Variants in CLPSL2 observed in about 807,000 individuals in gnomAD.
CLPSL2 encodes colipase like 2, also known as colipase-like protein 2.
CLPSL2 carries 4 observed loss-of-function variants against 7.9 expected under a neutral mutation model. The observed-to-expected ratio is 0.50, with a 90% CI of 0.25 to 1.15. CLPSL2 has a LOEUF of 1.15. Ranked by LOEUF, CLPSL2 falls within the 50% of genes most tolerant of loss-of-function variation. The pLI is 0.15. For synonymous variants in CLPSL2, 67 were observed against 53.1 expected, an observed-to-expected ratio of 1.26 and a Z score of -1.14; for missense variants, 132 against 136.6, an observed-to-expected ratio of 0.97 and a Z score of 0.17.
rs1182504265 is a variant in CLPSL2, at chr6:35,778,342, C to A, written c.207+761C>A. ...GGAAATGACCTTCCCCTTACTAGTC[C>A]CCATCTCCCTGCCACAGTGACATGA... On this transcript the variant is annotated intron_variant, in intron 2 of 2. Coordinates refer to ENST00000403376, the MANE Select transcript of CLPSL2 (RefSeq NM_207409.4). Among the ~76,000 whole-genome samples the A allele has an allele frequency of 3.3e-5, 5 of 152,218 alleles. No homozygotes were observed. In the East Asian group the frequency reaches 9.6e-4, roughly 29 times the overall value.
chr6:35,778,566 T>C (rs2151058105), intron 2 of CLPSL2, among the ~76,000 whole-genome samples: 1 of 152,362 alleles, frequency 6.6e-6, no homozygotes, highest in Non-Finnish European at 1.5e-5. Flanking sequence ...TATGTGGTCC[T>C]GGCAAGGAGA....
In CLPSL2 at chr6:35,779,516, A is replaced by G. The variant is rs1372273505; in HGVS notation, c.*66A>G. The G allele has an allele frequency of 6.4e-7, 1 of 1,550,982 alleles. No homozygotes were observed. Among genetic ancestry groups the G allele is most frequent in the Non-Finnish European group, 8.7e-7 (1 of 1,146,290 alleles). The stretch of plus-strand genomic sequence containing the variant: ...GCCCTGGTTGCCACCAACTTGCTCC[A>G]AATCCAGCTCCTGAGACATTAAAGT... On this transcript the variant is annotated 3_prime_UTR_variant, in exon 3 of 3. Transcript: ENST00000403376.
At chr6:35,777,093 C>T (rs1001672311) in intron 1 of CLPSL2, among the ~76,000 whole-genome samples, 2 of 152,092 alleles carry the variant, frequency 1.3e-5, no homozygotes, top group Non-Finnish European at 2.9e-5. Context: ...CGAGGGCTCT[C>T]CCCTTTTCTC....
intron 1 of CLPSL2, 135 bp from the exon 2 acceptor site, chr6:35,777,323 GC>G: frequency 1.1e-6 from 1 of 947,116 alleles, no homozygotes. Flanking sequence ...GGGGGAACCA[GC>G]CCCCCAAGGG....
chr6:35,777,973 C>T (rs868586749), intron 2 of CLPSL2: 10 of 708,410 alleles, frequency 1.4e-5, no homozygotes, highest in East Asian at 2.7e-5. Flanking sequence ...TTGTTTGTTT[C>T]GAGATGGAGT....
rs1303750229 is a variant in CLPSL2, at chr6:35,779,378, C to T, written c.231C>T (p.Ile77=). 2 of 1,579,776 alleles carry T rather than the reference C, an allele frequency of 1.3e-6. No individual in the cohort carries two copies. The highest frequency in any genetic ancestry group is 2.3e-5 in the South Asian group (2 of 86,234). Residue 77 remains isoleucine, a synonymous_variant, in exon 3 of 3, where the codon ATC becomes ATT. Transcript: ENST00000403376. ...AGACCAAGGGAGCTACCAACATCATCTGCCCTTGCCGGATGGGCTTGACGT... is the reference window on the plus strand; with the variant it reads ...AGACCAAGGGAGCTACCAACATCATTTGCCCTTGCCGGATGGGCTTGACGT... ...LPQTKGATNI[I]CPCRMGLTCI... is the part of the protein sequence containing the mutation.
chr6:35,778,108 G>A (rs897427012), intron 2 of CLPSL2, among the ~76,000 whole-genome samples: 16 of 152,042 alleles, frequency 1.1e-4, no homozygotes, highest in African/African-American at 3.4e-4. Flanking sequence ...GGGGTGCACC[G>A]CTATGCCTGG....
intron 1 of CLPSL2, 38 bp downstream of exon 1, chr6:35,776,740 G>A (rs1767843871): frequency 5.9e-6 from 8 of 1,353,148 alleles, no homozygotes; most frequent in Non-Finnish European, 7.6e-6. Context: ...CGCGACCGCA[G>A]GAGAGGGTGG....
At chr6:35,778,793 T>G (rs1217868210) in intron 2 of CLPSL2, among the ~76,000 whole-genome samples, 4 of 152,156 alleles carry the variant, frequency 2.6e-5, no homozygotes, top group Non-Finnish European at 1.5e-5. Context: ...TAGAGGGTTT[T>G]TATTTTTTTT....
chr6:35,778,788 G>A (rs951065909), intron 2 of CLPSL2, among the ~76,000 whole-genome samples: 1 of 152,028 alleles, frequency 6.6e-6, no homozygotes, highest in African/African-American at 2.4e-5. Context: ...GTGGCTAGAG[G>A]GTTTTTATTT....
intron 2 of CLPSL2, chr6:35,777,795 C>A: frequency 1.4e-6 from 1 of 718,854 alleles, no homozygotes; most frequent in South Asian, 1.5e-5. Flanking sequence ...GGGGTCAGAC[C>A]CTCAGCAGAC....
chr6:35,777,998 C>A, intron 2 of CLPSL2: 1 of 687,982 alleles, frequency 1.5e-6, no homozygotes, highest in South Asian at 1.5e-5. Flanking sequence ...CTCTGTCACC[C>A]AGGCTAGAGT....
At chr6:35,777,768 T>A (rs1767874091) in intron 2 of CLPSL2, 187 bp downstream of exon 2, 4 of 732,020 alleles carry the variant, frequency 5.5e-6, no homozygotes, top group Non-Finnish European at 9.8e-6. Context: ...CTTCCCTCCT[T>A]GGAGCTCCTG....
chr6:35,777,775 C>T (rs1346980857), intron 2 of CLPSL2, 194 bp downstream of exon 2: 12 of 732,700 alleles, frequency 1.6e-5, no homozygotes, highest in East Asian at 2.7e-5. Flanking sequence ...CCTTGGAGCT[C>T]CTGTACCCTG....
intron 1 of CLPSL2, 143 bp from the exon 2 acceptor site, chr6:35,777,316 G>GA: frequency 1.1e-6 from 1 of 869,790 alleles, no homozygotes; most frequent in South Asian, 1.7e-5. Context: ...GGCTGGGGGG[G>GA]GAACCAGCCC....
chr6:35,777,320 C>A (rs1227385608), intron 1 of CLPSL2, 139 bp from the exon 2 acceptor site: 11 of 913,164 alleles, frequency 1.2e-5, no homozygotes, highest in Non-Finnish European at 1.8e-5. Context: ...GGGGGGGGAA[C>A]CAGCCCCCCA....
intron 2 of CLPSL2, among the ~76,000 whole-genome samples, chr6:35,779,112 T>C (rs995327510): frequency 3.3e-5 from 5 of 152,108 alleles, no homozygotes; most frequent in African/African-American, 1.2e-4. Context: ...CTGCTCTATC[T>C]CATTTAGTCC....
At chr6:35,776,911 T>C (rs1033150744) in intron 1 of CLPSL2, 1 of 440,888 alleles carries the variant, frequency 2.3e-6, no homozygotes, top group Non-Finnish European at 4.0e-6. Context: ...GAAATTGGCC[T>C]ATGACCAGCA....
intron 1 of CLPSL2, 42 bp from the exon 2 acceptor site, chr6:35,777,417 G>A (rs1767860027): frequency 6.2e-7 from 1 of 1,607,982 alleles, no homozygotes; most frequent in African/African-American, 1.3e-5. Context: ...CACGACTCAG[G>A]GATTGCTCCC....
Sources: allele counts gnomAD v4.1 joint callset (sites outside exome capture counted in the v4.1 genomes callset), GRCh38; gene constraint gnomAD v4.1.1; transcripts MANE v1.5; gene names NCBI Gene and HGNC (gene_info 2026-07-23, HGNC 2026-07-21).